Variants in HECW2 observed in about 807,000 individuals in gnomAD.
HECW2 encodes the protein HECT, C2 and WW domain containing E3 ubiquitin protein ligase 2.
Under a neutral mutation model 175.2 loss-of-function variants are expected in HECW2, and 61 were observed. The observed-to-expected ratio is 0.35, with a 90% CI of 0.28 to 0.43. The LOEUF is 0.43. Among genes scored for constraint, HECW2 ranks in the 20% least tolerant of loss-of-function variants. The pLI is 1.00. For synonymous variants in HECW2, 671 were observed against 731.0 expected (o/e 0.92, Z 1.32); for missense variants, 1,524 against 2,000.5 (o/e 0.76, Z 4.54).
chr2:196,275,710 C>T (rs915874525), intron 15 of HECW2, among the ~76,000 whole-genome samples: 1 of 151,692 alleles, frequency 6.6e-6, no homozygotes, highest in African/African-American at 2.4e-5. Flanking sequence ...AAAGATCGCA[C>T]CACTGCACTC....
intron 1 of HECW2, among the ~76,000 whole-genome samples, chr2:196,557,061 T>TA (rs762653771): frequency 1.3e-3 from 199 of 152,294 alleles, no homozygotes; most frequent in Middle Eastern, 6.8e-3. Context: ...AAGTTTTACA[T>TA]AAAAATGGTA....
In HECW2 at chr2:196,346,250, AAATT is replaced by A. The variant is rs138968433; in HGVS notation, c.293-2490_293-2487del. 7.9e-3 allele frequency among the ~76,000 whole-genome samples: 1,198 copies of A among 152,346 alleles called. 8 individuals carry two copies. Among genetic ancestry groups the A allele is most frequent in the Non-Finnish European group, 0.011 (776 of 68,026 alleles). ...TCCCCAGGCAATCAATTAAGCCAAT[AAATT>A]AATCCAAACGCATTTCTGACATGAC... On this transcript the variant is annotated intron_variant, in intron 2 of 28. Transcript: ENST00000644978.
chr2:196,207,311 A>T (rs1314553073), intron 28 of HECW2, among the ~76,000 whole-genome samples: 1 of 152,246 alleles, frequency 6.6e-6, no homozygotes, highest in African/African-American at 2.4e-5. Flanking sequence ...CCAATTAAAT[A>T]GAGTGATCGA....
At chr2:196,205,826 A>G (rs948560969) in intron 28 of HECW2, among the ~76,000 whole-genome samples, 3 of 152,206 alleles carry the variant, frequency 2.0e-5, no homozygotes, top group Non-Finnish European at 2.9e-5. Flanking sequence ...CAAGTGGATT[A>G]GCAACATGAT....
At chr2:196,529,824 G>A (rs545151188) in intron 1 of HECW2, among the ~76,000 whole-genome samples, 1 of 152,284 alleles carries the variant, frequency 6.6e-6, no homozygotes, top group South Asian at 2.1e-4. Context: ...AAACATCTCT[G>A]TTCTTTTGGC....
intron 2 of HECW2, among the ~76,000 whole-genome samples, chr2:196,368,442 A>C (rs1693813022): frequency 6.6e-6 from 1 of 152,160 alleles, no homozygotes; most frequent in African/African-American, 2.4e-5. Flanking sequence ...CCATTATTAA[A>C]TGTCTTGAGG....
intron 2 of HECW2, among the ~76,000 whole-genome samples, chr2:196,357,122 T>C (rs1693400723): frequency 6.6e-6 from 1 of 152,170 alleles, no homozygotes; most frequent in African/African-American, 2.4e-5. Context: ...GCAGAACAGA[T>C]GGTAGAACGG....
intron 7 of HECW2, among the ~76,000 whole-genome samples, chr2:196,322,017 T>C (rs533847467): frequency 6.6e-6 from 1 of 152,362 alleles, no homozygotes; most frequent in South Asian, 2.1e-4. Context: ...AATGAATGTA[T>C]ATGTCTAGGA....
intron 1 of HECW2, among the ~76,000 whole-genome samples, chr2:196,560,145 G>A: frequency 6.6e-6 from 1 of 152,148 alleles, no homozygotes; most frequent in East Asian, 1.9e-4. Context: ...TGTTGCTGCT[G>A]CAGGGACCAC....
intron 1 of HECW2, among the ~76,000 whole-genome samples, chr2:196,434,770 T>C (rs1162566973): frequency 2.6e-5 from 4 of 152,228 alleles, no homozygotes; most frequent in Admixed American, 1.3e-4. Context: ...GCAAACCCTA[T>C]TGGGTCCTGG....
At chr2:196,331,463 T>C (rs1479799787) in intron 4 of HECW2, 13 of 184,496 alleles carry the variant, frequency 7.0e-5, no homozygotes, top group Non-Finnish European at 1.0e-4. Flanking sequence ...AACTGCGGCC[T>C]CTCTGCAAAT....
At chr2:196,252,179 A>AATAATAATG (rs1452493161) in intron 19 of HECW2, among the ~76,000 whole-genome samples, 179 of 1,734 alleles carry the variant, frequency 0.1, 4 homozygotes, top group Admixed American at 0.4. Flanking sequence ...TCCGATTCAA[A>AATAATAATG]ATAATAATAA....
At chr2:196,273,841 A>C (rs922862364) in intron 16 of HECW2, among the ~76,000 whole-genome samples, 180 bp downstream of exon 16, 3 of 152,242 alleles carry the variant, frequency 2.0e-5, no homozygotes, top group Non-Finnish European at 4.4e-5. Context: ...ATTACAAGAC[A>C]GAAGCCCTTT....
intron 17 of HECW2, chr2:196,260,050 C>T (rs1413011650): frequency 6.6e-6 from 1 of 152,188 alleles, no homozygotes; most frequent in Non-Finnish European, 1.5e-5. Context: ...TGGTAGATAT[C>T]AGGCCCTGGT....
chr2:196,237,065 A>T (rs569443523), intron 21 of HECW2, among the ~76,000 whole-genome samples: 2 of 152,330 alleles, frequency 1.3e-5, no homozygotes, highest in South Asian at 4.1e-4. Context: ...TTTCAGTCTA[A>T]TTGGGCCAAA....
intron 24 of HECW2, 152 bp from the exon 25 acceptor site, chr2:196,221,093 G>A (rs779808713): frequency 4.7e-5 from 34 of 719,672 alleles, no homozygotes; most frequent in Non-Finnish European, 7.8e-5. Context: ...AGGCACTCAC[G>A]GAGCACACAC....
chr2:196,457,414 T>C (rs1361926122), intron 1 of HECW2, among the ~76,000 whole-genome samples: 1 of 152,374 alleles, frequency 6.6e-6, no homozygotes, highest in South Asian at 2.1e-4. Context: ...CATGGTACTG[T>C]CACCTCTTAA....
At chr2:196,295,018 G>A (rs1690753241) in intron 13 of HECW2, among the ~76,000 whole-genome samples, 1 of 152,198 alleles carries the variant, frequency 6.6e-6, no homozygotes, top group Admixed American at 6.5e-5. Context: ...AAGGAAGGGA[G>A]GAGGAAGGGA....
chr2:196,275,543 A>G (rs555037492), intron 15 of HECW2, among the ~76,000 whole-genome samples: 7 of 152,248 alleles, frequency 4.6e-5, no homozygotes, highest in East Asian at 3.9e-4. Flanking sequence ...TACAAGGTCA[A>G]CAGATCGAGA....
Sources: gnomAD v4.1 joint callset for allele counts (sites outside exome capture counted in the v4.1 genomes callset) on GRCh38, gnomAD v4.1.1 for gene constraint, MANE v1.5 for transcripts, NCBI Gene and HGNC (gene_info 2026-07-23, HGNC 2026-07-21) for gene names.